The following RNGTT variants were observed in gnomAD, a reference collection of about 807,000 sequenced individuals.
RNGTT encodes the protein RNA guanylyltransferase and 5'-phosphatase, also known as mRNA-capping enzyme.
In RNGTT, 33 loss-of-function variants were observed where a neutral mutation model predicts 79.3. That is an observed-to-expected ratio of 0.42 (90% CI 0.32 to 0.56). The LOEUF (loss-of-function observed/expected upper bound fraction) is 0.56. Ranked by LOEUF, RNGTT falls within the 20% of genes least tolerant of loss-of-function variation. RNGTT has a pLI of 0.17. For synonymous variants in RNGTT, 222 were observed against 235.9 expected, an observed-to-expected ratio of 0.94 and a Z score of 0.54; for missense variants, 497 against 739.1, an observed-to-expected ratio of 0.67 and a Z score of 3.80.
At chr6:88,655,490 A>G (rs1380612067) in intron 14 of RNGTT, among the ~76,000 whole-genome samples, 5 of 152,236 alleles carry the variant, frequency 3.3e-5, no homozygotes, top group Non-Finnish European at 7.3e-5. Flanking sequence ...TTTAAAATTC[A>G]AGTTCAGAAA....
chr6:88,723,277 A>C (rs1165337811), intron 13 of RNGTT, among the ~76,000 whole-genome samples: 9 of 152,198 alleles, frequency 5.9e-5, no homozygotes, highest in African/African-American at 2.2e-4. Flanking sequence ...TGGAGTTCTG[A>C]TAAGTAAGCA....
At chr6:88,852,686 G>A (rs114793103) in intron 9 of RNGTT, among the ~76,000 whole-genome samples, 16 of 152,236 alleles carry the variant, frequency 1.1e-4, no homozygotes, top group African/African-American at 3.9e-4. Flanking sequence ...AAGGGAACTG[G>A]TTAAATAAAT....
chr6:88,648,976 T>C (rs899249154), intron 14 of RNGTT, among the ~76,000 whole-genome samples: 7 of 152,202 alleles, frequency 4.6e-5, no homozygotes, highest in African/African-American at 1.7e-4. Context: ...AGTCCTAACT[T>C]ACCATCAATA....
At chr6:88,618,746 T>C (rs1043470844) in intron 14 of RNGTT, among the ~76,000 whole-genome samples, 3 of 152,206 alleles carry the variant, frequency 2.0e-5, no homozygotes, top group African/African-American at 4.8e-5. Context: ...ATAAATAATC[T>C]GGGGTTAAGA....
chr6:88,679,506 T>C (rs1479791996), intron 13 of RNGTT, among the ~76,000 whole-genome samples: 1 of 152,210 alleles, frequency 6.6e-6, no homozygotes, highest in Non-Finnish European at 1.5e-5. Flanking sequence ...TATGGAGTCA[T>C]ATTAAAAGAT....
intron 12 of RNGTT, among the ~76,000 whole-genome samples, chr6:88,783,661 T>C (rs1225721438): frequency 6.6e-6 from 1 of 152,020 alleles, no homozygotes; most frequent in African/African-American, 2.4e-5. Context: ...TCTAAGACAA[T>C]ATGGAGAAAG....
At chr6:88,817,490 T>TAAAAAAAAAAAAAAAA (rs11354100) in intron 11 of RNGTT, among the ~76,000 whole-genome samples, 13 of 44,528 alleles carry the variant, frequency 2.9e-4, no homozygotes, top group African/African-American at 3.9e-4. Flanking sequence ...AAAAAATAAG[T>TAAAAAAAAAAAAAAAA]AAAAAAAAAA....
At chr6:88,935,809 T>C (rs1332769535) in intron 2 of RNGTT, among the ~76,000 whole-genome samples, 1 of 152,208 alleles carries the variant, frequency 6.6e-6, no homozygotes, top group East Asian at 1.9e-4. Flanking sequence ...TTCCTGAGTA[T>C]TTTACTATTT....
intron 11 of RNGTT, among the ~76,000 whole-genome samples, chr6:88,837,550 A>G (rs1781122839): frequency 6.6e-6 from 1 of 152,184 alleles, no homozygotes; most frequent in Admixed American, 6.5e-5. Flanking sequence ...ATAAACATCA[A>G]TGCAAAAATC....
chr6:88,704,585 T>C (rs149181882), intron 13 of RNGTT, among the ~76,000 whole-genome samples: 3 of 152,270 alleles, frequency 2.0e-5, no homozygotes, highest in African/African-American at 7.2e-5. Flanking sequence ...TTTTTTCCAC[T>C]TAATAAATCA....
chr6:88,614,527 T>C (rs1229187580), intron 14 of RNGTT, 132 bp from the exon 15 acceptor site: 1 of 796,646 alleles, frequency 1.3e-6, no homozygotes, highest in Admixed American at 2.5e-5. Context: ...CTTTGTCATC[T>C]GAAGTATCTA....
At chr6:88,900,133 CAA>C (rs36070813) in intron 6 of RNGTT, among the ~76,000 whole-genome samples, 6,816 of 131,612 alleles carry the variant, frequency 0.052, 529 homozygotes, top group African/African-American at 0.18. Flanking sequence ...CTCAAATATG[CAA>C]AAAAAAAAAA....
At chr6:88,952,630 C>T (rs1333443754) in intron 1 of RNGTT, among the ~76,000 whole-genome samples, 1 of 152,238 alleles carries the variant, frequency 6.6e-6, no homozygotes, top group Non-Finnish European at 1.5e-5. Context: ...GTTCACATGA[C>T]AACTTCACTA....
At chr6:88,768,842 TAGC>T (rs1778553686) in intron 13 of RNGTT, among the ~76,000 whole-genome samples, 4 of 143,046 alleles carry the variant, frequency 2.8e-5, no homozygotes, top group Admixed American at 1.3e-4. Context: ...TATTCTAAGA[TAGC>T]AACCAAAAAG....
chr6:88,638,059 T>G (rs1004191974), intron 14 of RNGTT, among the ~76,000 whole-genome samples: 5 of 152,106 alleles, frequency 3.3e-5, no homozygotes, highest in Non-Finnish European at 7.4e-5. Context: ...TTTAATAGAT[T>G]CATTAGAAAA....
intron 13 of RNGTT, among the ~76,000 whole-genome samples, chr6:88,763,366 CAT>C (rs1164625648): frequency 2.0e-5 from 3 of 152,014 alleles, no homozygotes; most frequent in Non-Finnish European, 4.4e-5. Context: ...TTTGTGTGGG[CAT>C]ATGTTTTCAT....
intron 14 of RNGTT, among the ~76,000 whole-genome samples, chr6:88,615,622 T>C (rs1772188832): frequency 6.6e-6 from 1 of 152,218 alleles, no homozygotes; most frequent in Non-Finnish European, 1.5e-5. Context: ...ACACTGTGTA[T>C]ATGCAAGTAT....
At chr6:88,735,455 A>G (rs183837479) in intron 13 of RNGTT, among the ~76,000 whole-genome samples, 372 of 152,128 alleles carry the variant, frequency 2.4e-3, no homozygotes, top group Non-Finnish European at 4.1e-3. Context: ...AACAAATTTA[A>G]GGTTTTTTTC....
intron 8 of RNGTT, among the ~76,000 whole-genome samples, chr6:88,862,175 A>G (rs1473904991): frequency 1.3e-5 from 2 of 152,178 alleles, no homozygotes; most frequent in Non-Finnish European, 2.9e-5. Context: ...TATATTAATG[A>G]GTTGACTGAT....
Sources: gnomAD v4.1 joint callset for allele counts (sites outside exome capture counted in the v4.1 genomes callset) on GRCh38, gnomAD v4.1.1 for gene constraint, MANE v1.5 for transcripts, NCBI Gene and HGNC (gene_info 2026-07-23, HGNC 2026-07-21) for gene names.